DCC: variants seen among roughly 807,000 people sequenced by gnomAD.
DCC encodes DCC netrin 1 receptor.
Under a neutral mutation model 172.5 loss-of-function variants are expected in DCC, and 58 were observed. The observed-to-expected ratio is 0.34, with a 90% CI of 0.27 to 0.42. The LOEUF is 0.42. Ranked by LOEUF, DCC falls within the 10% of genes least tolerant of loss-of-function variation. The pLI is 1.00. For synonymous variants in DCC, 709 were observed against 644.5 expected (o/e 1.10, Z -1.52); for missense variants, 1,740 against 1,791.0 (o/e 0.97, Z 0.51).
intron 7 of DCC, among the ~76,000 whole-genome samples, chr18:53,078,922 A>G (rs892235097): frequency 2.6e-5 from 4 of 152,152 alleles, no homozygotes; most frequent in Non-Finnish European, 4.4e-5. Context: ...CCAGTTTCCC[A>G]TATTTCTTGG....
intron 1 of DCC, among the ~76,000 whole-genome samples, chr18:52,407,507 A>G (rs1333561394): frequency 6.6e-6 from 1 of 152,188 alleles, no homozygotes; most frequent in Non-Finnish European, 1.5e-5. Context: ...GAATATCTCC[A>G]AACATTCACG....
At chr18:53,470,186 T>A (rs1241849094) in intron 25 of DCC, among the ~76,000 whole-genome samples, 1 of 152,146 alleles carries the variant, frequency 6.6e-6, no homozygotes, top group Non-Finnish European at 1.5e-5. Flanking sequence ...ATAAATATTA[T>A]TAAAATGCTG....
chr18:53,132,517 A>T (rs1170219254), intron 7 of DCC, among the ~76,000 whole-genome samples: 1 of 152,182 alleles, frequency 6.6e-6, no homozygotes, highest in African/African-American at 2.4e-5. Flanking sequence ...TTTTTCAGAT[A>T]TATGGCTCTT....
chr18:53,235,704 TCAA>T (rs959637911), intron 12 of DCC, among the ~76,000 whole-genome samples: 8 of 152,100 alleles, frequency 5.3e-5, no homozygotes, highest in Non-Finnish European at 1.2e-4. Flanking sequence ...TTTGTAACCA[TCAA>T]CATCATCCAT....
intron 1 of DCC, among the ~76,000 whole-genome samples, chr18:52,708,207 C>T (rs981030875): frequency 3.3e-5 from 5 of 151,972 alleles, no homozygotes; most frequent in African/African-American, 4.8e-5. Flanking sequence ...TTTGGGAGGC[C>T]GAGATGGATG....
chr18:53,089,095 G>T (rs964923458), intron 7 of DCC, among the ~76,000 whole-genome samples: 1 of 152,008 alleles, frequency 6.6e-6, no homozygotes, highest in Non-Finnish European at 1.5e-5. Context: ...TGTTGTTGTT[G>T]CTTGTTTTGA....
At chr18:52,662,936 T>A (rs2144951434) in intron 1 of DCC, among the ~76,000 whole-genome samples, 1 of 152,218 alleles carries the variant, frequency 6.6e-6, no homozygotes, top group South Asian at 2.1e-4. Flanking sequence ...TCATGAGGGC[T>A]CCACAATGAT....
At chr18:53,105,195 G>A (rs1395475915) in intron 7 of DCC, among the ~76,000 whole-genome samples, 1 of 151,998 alleles carries the variant, frequency 6.6e-6, no homozygotes, top group East Asian at 1.9e-4. Flanking sequence ...TGTTCTTTCT[G>A]GTGCTATTTC....
At chr18:52,491,804 G>C (rs2030515470) in intron 1 of DCC, among the ~76,000 whole-genome samples, 1 of 152,074 alleles carries the variant, frequency 6.6e-6, no homozygotes, top group South Asian at 2.1e-4. Context: ...TTACAACGTT[G>C]ATGTGTATTA....
chr18:52,547,789 C>T (rs1009456026), intron 1 of DCC, among the ~76,000 whole-genome samples: 5 of 152,086 alleles, frequency 3.3e-5, no homozygotes, highest in African/African-American at 1.2e-4. Context: ...CCATAAATTA[C>T]TAGGACAATC....
chr18:52,754,274 C>A (rs1480790479), intron 2 of DCC: 2 of 152,124 alleles, frequency 1.3e-5, no homozygotes, highest in East Asian at 3.9e-4. Flanking sequence ...GTGGTTAATT[C>A]CCATATGTAG....
chr18:52,739,617 G>A (rs940322185), intron 1 of DCC, among the ~76,000 whole-genome samples: 8 of 152,062 alleles, frequency 5.3e-5, no homozygotes, highest in Admixed American at 2.0e-4. Flanking sequence ...TGTGTCTACC[G>A]TTTACATTTT....
intron 2 of DCC, among the ~76,000 whole-genome samples, chr18:52,783,361 T>TTTTTTTTTTTA (rs2037591293): frequency 9.3e-6 from 1 of 107,870 alleles, no homozygotes; most frequent in Admixed American, 1.1e-4. Context: ...TTTTTTTTTT[T>TTTTTTTTTTTA]ACAACACAAA....
At chr18:52,612,470 G>A (rs774217952) in intron 1 of DCC, among the ~76,000 whole-genome samples, 1 of 143,684 alleles carries the variant, frequency 7.0e-6, no homozygotes, top group Non-Finnish European at 1.5e-5. Flanking sequence ...TTCATTTTTA[G>A]TACAAAACTG....
At chr18:53,440,351 A>G (rs138310420) in intron 22 of DCC, among the ~76,000 whole-genome samples, 288 of 152,260 alleles carry the variant, frequency 1.9e-3, no homozygotes, top group Non-Finnish European at 3.3e-3. Context: ...TTTAAAGATA[A>G]AGTTAAACTT....
chr18:53,384,009 A>G (rs55965629), intron 15 of DCC, among the ~76,000 whole-genome samples: 64,544 of 151,966 alleles, frequency 0.42, 15,473 homozygotes, highest in Non-Finnish European at 0.55. Context: ...TATCTATAAT[A>G]TCAAAACATT....
chr18:53,176,611 A>C (rs1292212122), intron 8 of DCC, among the ~76,000 whole-genome samples: 1 of 152,220 alleles, frequency 6.6e-6, no homozygotes, highest in Non-Finnish European at 1.5e-5. Flanking sequence ...GGGAAATGCA[A>C]ATCAAAACCA....
intron 15 of DCC, among the ~76,000 whole-genome samples, chr18:53,345,154 T>C (rs1375858063): frequency 6.6e-6 from 1 of 151,608 alleles, no homozygotes; most frequent in East Asian, 1.9e-4. Context: ...TAAACTTTTA[T>C]ATGTTATAAA....
rs143294341 is a variant in DCC, at chr18:53,112,968, T to C, written c.1262-44388T>C. ...ACATTTTGAAAATTCCCTAAAAACA[T>C]CATCCTCTTTCCTTTGGATTCTTGC... On this transcript the variant is annotated intron_variant, in intron 7 of 28. Transcript: ENST00000442544. Among the ~76,000 whole-genome samples, 742 of 151,648 alleles carry C rather than the reference T, an allele frequency of 4.9e-3. 3 individuals are homozygous for C. Among genetic ancestry groups the C allele is most frequent in the African/African-American group, 0.017 (685 of 41,482 alleles).
Sources: gnomAD v4.1 joint callset for allele counts (sites outside exome capture counted in the v4.1 genomes callset) on GRCh38, gnomAD v4.1.1 for gene constraint, MANE v1.5 for transcripts, NCBI Gene and HGNC (gene_info 2026-07-23, HGNC 2026-07-21) for gene names.